Variants in PRKG1 observed in about 807,000 individuals in gnomAD.
PRKG1 encodes the protein cGMP-dependent protein kinase 1.
PRKG1 carries 35 observed loss-of-function variants against 88.1 expected under a neutral mutation model. That is an observed-to-expected ratio of 0.40 (90% CI 0.30 to 0.53). The LOEUF is 0.53. Ranked by LOEUF, PRKG1 falls within the 20% of genes least tolerant of loss-of-function variation. The probability of loss-of-function intolerance (pLI) is 0.59; values close to 1 mark genes in which losing one functional copy is unlikely to be tolerated. For missense variants in PRKG1, 540 were observed against 839.8 expected (o/e 0.64, Z 4.41); for synonymous variants, 303 against 292.5 (o/e 1.04, Z -0.37).
chr10:51,097,412 G>A (rs1477324335), intron 1 of PRKG1, among the ~76,000 whole-genome samples: 2 of 152,010 alleles, frequency 1.3e-5, no homozygotes, highest in East Asian at 3.9e-4. Context: ...TAGTAGAGAC[G>A]GGGTTTTGCC....
At chr10:52,258,686 C>G (rs1841363325) in intron 10 of PRKG1, among the ~76,000 whole-genome samples, 2 of 152,024 alleles carry the variant, frequency 1.3e-5, no homozygotes, top group Admixed American at 1.3e-4. Flanking sequence ...ATAAAAATAT[C>G]TGACATGATT....
chr10:51,456,707 T>C (rs187512991), intron 2 of PRKG1, among the ~76,000 whole-genome samples: 2 of 152,294 alleles, frequency 1.3e-5, no homozygotes, highest in Admixed American at 1.3e-4. Context: ...AAAGGACTAA[T>C]ATCCAGAATC....
intron 2 of PRKG1, among the ~76,000 whole-genome samples, chr10:51,217,245 C>CTT (rs1448490562): frequency 1.3e-5 from 2 of 152,082 alleles, no homozygotes; most frequent in East Asian, 3.8e-4. Flanking sequence ...GAAATATTCT[C>CTT]TGAGTTTACA....
In PRKG1 at chr10:52,148,957, C is replaced by CTT. The variant is rs71904885; in HGVS notation, c.1002-12907_1002-12906dup. On this transcript the variant is annotated intron_variant, in intron 8 of 17. Coordinates refer to ENST00000373980, the MANE Select transcript of PRKG1 (RefSeq NM_006258.4). ...TATTTGACCACAGAGGATAGTTTTG[C>CTT]TTTTTTTTTTTTTTTTTTTTTTTTT... 1.5e-3 allele frequency among the ~76,000 whole-genome samples: 83 copies of CTT among 55,160 alleles called. 7 individuals carry two copies. Among genetic ancestry groups the CTT allele is most frequent in the African/African-American group, 6.2e-3 (83 of 13,338 alleles). The allele number at this position is 55,160 out of a possible 152,430, so 36.2% of individuals were successfully genotyped here.
chr10:51,444,689 G>A (rs2132755950), intron 2 of PRKG1, among the ~76,000 whole-genome samples: 1 of 151,864 alleles, frequency 6.6e-6, no homozygotes, highest in South Asian at 2.1e-4. Flanking sequence ...TTTTTAATTA[G>A]GCTGAAAGCT....
chr10:51,135,772 A>G (rs1339912077), intron 1 of PRKG1, among the ~76,000 whole-genome samples: 2 of 152,032 alleles, frequency 1.3e-5, no homozygotes, highest in African/African-American at 4.8e-5. Context: ...TTGGTATTCA[A>G]AAGTTCGCTA....
intron 10 of PRKG1, among the ~76,000 whole-genome samples, chr10:52,268,374 T>C (rs1481779817): frequency 1.3e-5 from 2 of 152,058 alleles, no homozygotes; most frequent in Non-Finnish European, 1.5e-5. Context: ...ACCCACCAGT[T>C]CTCATTATCC....
At chr10:51,215,509 A>G (rs1439131058) in intron 2 of PRKG1, among the ~76,000 whole-genome samples, 6 of 152,172 alleles carry the variant, frequency 3.9e-5, no homozygotes, top group Admixed American at 1.3e-4. Context: ...AAGACAGCTG[A>G]ATAGAAACTG....
rs183428163 is a variant in PRKG1 at position 52,251,714 on chromosome 10, T to C, written c.1173+48T>C. On this transcript the variant is annotated intron_variant, in intron 10 of 17. Coordinates refer to ENST00000373980, the MANE Select transcript of PRKG1 (RefSeq NM_006258.4). ...CTTTTGATCGCCTCTGCTTCCTTTT[T>C]AATTTTTTCCCCTAGATTAAGATTT... is the stretch of plus-strand genomic sequence containing the variant. 6.3e-4 allele frequency: 900 copies of C among 1,439,366 alleles called. 4 individuals are homozygous for C. Among genetic ancestry groups the C allele is most frequent in the Non-Finnish European group, 6.3e-4 (654 of 1,033,506 alleles). 89.2% of individuals were successfully genotyped at this position (1,439,366 alleles called of 1,614,324 possible). A position where few individuals can be genotyped will look rare whatever the true frequency, so the allele number is the denominator to read the frequency against.
At chr10:51,992,960 A>C (rs1287492333) in intron 5 of PRKG1, among the ~76,000 whole-genome samples, 1 of 152,156 alleles carries the variant, frequency 6.6e-6, no homozygotes, top group African/African-American at 2.4e-5. Flanking sequence ...ATATTTGCAA[A>C]ACTGAGACCA....
intron 3 of PRKG1, chr10:51,696,726 G>C (rs2132403347): frequency 6.6e-6 from 1 of 151,828 alleles, no homozygotes. Context: ...TTGAGCAAAT[G>C]GACACCATCT....
At chr10:51,549,886 C>T (rs1564545407) in intron 3 of PRKG1, among the ~76,000 whole-genome samples, 1 of 152,206 alleles carries the variant, frequency 6.6e-6, no homozygotes, top group Admixed American at 6.6e-5. Context: ...TTTCCATAAA[C>T]TATTAGTTAG....
At chr10:52,088,874 T>G (rs974573363) in intron 7 of PRKG1, among the ~76,000 whole-genome samples, 1 of 152,222 alleles carries the variant, frequency 6.6e-6, no homozygotes, top group Non-Finnish European at 1.5e-5. Context: ...TGTTGCACAC[T>G]GACCCTCCTA....
intron 1 of PRKG1, among the ~76,000 whole-genome samples, chr10:51,034,722 G>A (rs1266528899): frequency 8.0e-5 from 8 of 100,318 alleles, no homozygotes; most frequent in Admixed American, 1.4e-4. Context: ...TAAAAATTAC[G>A]GTAAAATTGC....
At chr10:51,718,371 G>C (rs1309518252) in intron 3 of PRKG1, among the ~76,000 whole-genome samples, 1 of 152,172 alleles carries the variant, frequency 6.6e-6, no homozygotes, top group East Asian at 1.9e-4. Flanking sequence ...GGCCAGTGTG[G>C]CTATGCTACT....
chr10:52,071,029 T>C (rs11000697), intron 7 of PRKG1, among the ~76,000 whole-genome samples: 28,006 of 152,188 alleles, frequency 0.18, 2,740 homozygotes, highest in Admixed American at 0.27. Context: ...ATAATGTATA[T>C]AGTATGTATG....
chr10:51,527,281 G>A (rs1841906292), intron 3 of PRKG1, among the ~76,000 whole-genome samples: 1 of 151,796 alleles, frequency 6.6e-6, no homozygotes, highest in South Asian at 2.1e-4. Flanking sequence ...ATATAATTCT[G>A]TATATATAAT....
At chr10:51,546,051 C>T (rs981254914) in intron 3 of PRKG1, among the ~76,000 whole-genome samples, 2 of 88,904 alleles carry the variant, frequency 2.2e-5, no homozygotes, top group South Asian at 4.4e-4. Context: ...TTCTGATCTA[C>T]AGGTATTTTT....
chr10:52,175,212 T>A (rs1838830581), intron 9 of PRKG1, among the ~76,000 whole-genome samples: 1 of 152,084 alleles, frequency 6.6e-6, no homozygotes, highest in Non-Finnish European at 1.5e-5. Context: ...GTTTTCAGCC[T>A]CCACATATGA....
Sources: gnomAD v4.1 joint callset for allele counts (sites outside exome capture counted in the v4.1 genomes callset) on GRCh38, gnomAD v4.1.1 for gene constraint, MANE v1.5 for transcripts, NCBI Gene and HGNC (gene_info 2026-07-23, HGNC 2026-07-21) for gene names.